SATB2: variants seen among roughly 807,000 people sequenced by gnomAD.
SATB2 encodes the protein SATB homeobox 2.
SATB2 carries 1 observed loss-of-function variant against 73.4 expected under a neutral mutation model. The observed-to-expected ratio is 0.01, with a 90% CI of 0.00 to 0.06. SATB2 has a LOEUF of 0.06. SATB2 is among the 10% of genes least tolerant of loss of function. SATB2 has a pLI of 1.00. For missense variants in SATB2, 459 were observed against 945.8 expected, an observed-to-expected ratio of 0.49 and a Z score of 6.75; for synonymous variants, 397 against 367.0, an observed-to-expected ratio of 1.08 and a Z score of -0.93.
At chr2:199,341,046 C>A (rs1276707636) in intron 7 of SATB2, among the ~76,000 whole-genome samples, 1 of 152,150 alleles carries the variant, frequency 6.6e-6, no homozygotes, top group Non-Finnish European at 1.5e-5. Context: ...ATTCTACAAC[C>A]ATCCCTCAGT....
At chr2:199,312,302 T>C (rs1381672812) in intron 9 of SATB2, among the ~76,000 whole-genome samples, 1 of 152,192 alleles carries the variant, frequency 6.6e-6, no homozygotes, top group African/African-American at 2.4e-5. Context: ...GCTCTGTGAG[T>C]GGGCACCATG....
At chr2:199,340,556 C>T (rs1464713159) in intron 7 of SATB2, among the ~76,000 whole-genome samples, 1 of 152,100 alleles carries the variant, frequency 6.6e-6, no homozygotes, top group Non-Finnish European at 1.5e-5. Context: ...ACAAAATGAG[C>T]CTGAAACTTT....
At chr2:199,422,953 A>G (rs1691216439) in intron 3 of SATB2, among the ~76,000 whole-genome samples, 2 of 152,170 alleles carry the variant, frequency 1.3e-5, no homozygotes, top group Admixed American at 6.5e-5. Flanking sequence ...TATTCCAAAC[A>G]TGAGTTAGTC....
intron 7 of SATB2, among the ~76,000 whole-genome samples, chr2:199,335,658 A>G (rs564312018): frequency 7.9e-5 from 12 of 152,268 alleles, no homozygotes; most frequent in African/African-American, 2.4e-4. Flanking sequence ...TGGGAGTCCT[A>G]TCTTTGCTGA....
intron 6 of SATB2, among the ~76,000 whole-genome samples, chr2:199,360,634 T>C (rs1456590105): frequency 2.6e-5 from 4 of 152,174 alleles, no homozygotes; most frequent in Non-Finnish European, 5.9e-5. Context: ...CTGCATTATC[T>C]GAGCCTCAAA....
upstream of SATB2, among the ~76,000 whole-genome samples, chr2:199,460,893 T>G (rs991809116): frequency 1.3e-5 from 2 of 152,268 alleles, no homozygotes; most frequent in Non-Finnish European, 2.9e-5. This position sits in a 1 kb window ranked among gnomAD's most constrained non-coding sequence, Gnocchi z 4.0. Context: ...AATATACAAT[T>G]AAGTACAATT....
At position 199,287,138 on chromosome 2, in the gene SATB2, A is replaced by G. The variant is rs1158215950; in HGVS notation, c.1741-14466T>C. Among the ~76,000 whole-genome samples the G allele has an allele frequency of 3.9e-5, 6 of 152,220 alleles. No individual in the cohort carries two copies. The East Asian group carries it at 1.2e-3, about 29-fold the overall frequency. ...TTAAATAGTTAATCCAGCTGGCTCTATAATTCTCAAGTGAAGTAAAAATGT... is the reference window on the plus strand; with the variant it reads ...TTAAATAGTTAATCCAGCTGGCTCTGTAATTCTCAAGTGAAGTAAAAATGT... On this transcript the variant is annotated intron_variant, in intron 10 of 10. Transcript: ENST00000417098.
upstream of SATB2, among the ~76,000 whole-genome samples, chr2:199,465,822 G>A (rs1164339886): frequency 6.6e-6 from 1 of 152,194 alleles, no homozygotes; most frequent in East Asian, 1.9e-4. Flanking sequence ...CCTTATCAAT[G>A]TTAGCCTAAC....
rs114822830 is a variant in SATB2 at position 199,367,283 on chromosome 2, C to T, written c.700+1322G>A. ...TAATATGCGAAAGCATTTGCCCAAA[C>T]CAGGATCTAACGGGTCCTAAGAATT... is the stretch of plus-strand genomic sequence containing the variant. On this transcript the variant is annotated intron_variant, in intron 6 of 10. Transcript: ENST00000417098. Among the ~76,000 whole-genome samples, 501 of 152,238 alleles carry T rather than the reference C, an allele frequency of 3.3e-3. 2 individuals are homozygous for T. Among genetic ancestry groups the T allele is most frequent in the Middle Eastern group, 0.027 (8 of 294 alleles).
At chr2:199,310,763 G>A (rs1007499041) in intron 9 of SATB2, among the ~76,000 whole-genome samples, 1 of 152,166 alleles carries the variant, frequency 6.6e-6, no homozygotes, top group African/African-American at 2.4e-5. Flanking sequence ...ACCTGCATCT[G>A]TTAAAAGAAG....
At chr2:199,341,645 T>C (rs1264384655) in intron 7 of SATB2, among the ~76,000 whole-genome samples, 1 of 152,168 alleles carries the variant, frequency 6.6e-6, no homozygotes, top group African/African-American at 2.4e-5. Flanking sequence ...ACTGATAATA[T>C]TTTCAAAAGA....
intron 9 of SATB2, among the ~76,000 whole-genome samples, chr2:199,320,189 G>T (rs1687847353): frequency 6.6e-6 from 1 of 152,032 alleles, no homozygotes; most frequent in Non-Finnish European, 1.5e-5. Flanking sequence ...GGTCAGACTG[G>T]AGTTACACAG....
rs1688102880 is a variant in SATB2 at position 199,328,756 on chromosome 2, G to A, written c.1328C>T (p.Pro443Leu). 1.9e-6 allele frequency: 3 copies of A among 1,613,742 alleles called. No homozygotes were observed. In the African/African-American group the frequency reaches 4.0e-5, roughly 22 times the overall value. The stretch of plus-strand genomic sequence containing the variant: ...GGCCGAGGAGACCATGCTCACATTG[G>A]GATTCATGCTCCGCTCCCTCTCATC... ...YQDERERSMNPNVSMVSSASS... is the reference protein window; with the variant it reads ...YQDERERSMNLNVSMVSSASS... The change falls in exon 8 of 11, where the codon CCC becomes CTC. Residue 443 changes from proline to leucine, a missense_variant. This residue lies in a region of SATB2 where 53 missense variants were observed against 70.5 expected (regional missense o/e 0.75). Transcript: ENST00000417098.
At chr2:199,440,106 A>AAAG (rs1363479906) in intron 2 of SATB2, among the ~76,000 whole-genome samples, 1 of 151,990 alleles carries the variant, frequency 6.6e-6, no homozygotes, top group Non-Finnish European at 1.5e-5. Flanking sequence ...ACTCTGCCTC[A>AAAG]AATAATAATA....
intron 3 of SATB2, chr2:199,397,814 A>G: frequency 2.4e-6 from 1 of 410,568 alleles, no homozygotes; most frequent in South Asian, 1.7e-5. Context: ...CCTTAAATCC[A>G]GGAGGCAGGG....
chr2:199,380,877 G>A (rs886105088), intron 4 of SATB2, among the ~76,000 whole-genome samples: 1 of 152,126 alleles, frequency 6.6e-6, no homozygotes, highest in African/African-American at 2.4e-5. Context: ...TTTGCAGTTG[G>A]AAGGCCCACC....
intron 3 of SATB2, among the ~76,000 whole-genome samples, chr2:199,406,506 A>G (rs766026931): frequency 2.0e-5 from 3 of 152,196 alleles, no homozygotes; most frequent in Non-Finnish European, 2.9e-5. Context: ...TCCCACTGGA[A>G]AAACAGGTTT....
At chr2:199,433,624 G>A (rs940167623) in intron 2 of SATB2, 110 bp from the exon 3 acceptor site, 2 of 1,029,090 alleles carry the variant, frequency 1.9e-6, no homozygotes, top group South Asian at 1.3e-5. Context: ...GTGATCGACA[G>A]TGGTTTAGAT....
chr2:199,403,604 C>T (rs1574594873), intron 3 of SATB2, among the ~76,000 whole-genome samples: 1 of 152,096 alleles, frequency 6.6e-6, no homozygotes, highest in African/African-American at 2.4e-5. Context: ...TCTTTCCTTG[C>T]AAATAAAGCA....
Sources: gnomAD v4.1 joint callset for allele counts (sites outside exome capture counted in the v4.1 genomes callset) on GRCh38, gnomAD v4.1.1 for gene constraint, gnomAD v4.1.1 regional missense constraint, Gnocchi (gnomAD v3.1) non-coding constraint, MANE v1.5 for transcripts, NCBI Gene and HGNC (gene_info 2026-07-23, HGNC 2026-07-21) for gene names.